ATP2B3: variants seen among roughly 807,000 people sequenced by gnomAD.
ATP2B3 encodes plasma membrane calcium-transporting ATPase 3.
In ATP2B3, 12 loss-of-function variants were observed where a neutral mutation model predicts 70.8. The ratio of observed to expected loss-of-function variants is 0.17; its 90% CI spans 0.11 to 0.27. The LOEUF (loss-of-function observed/expected upper bound fraction) is 0.27. ATP2B3 is among the 10% of genes least tolerant of loss of function. The probability of loss-of-function intolerance (pLI) is 1.00; values close to 1 mark genes in which losing one functional copy is unlikely to be tolerated. For synonymous variants in ATP2B3, 460 were observed against 497.8 expected (o/e 0.92, Z 1.01); for missense variants, 858 against 1,118.5 (o/e 0.77, Z 3.32).
chrX:153,567,787 C>T (rs1417637820), intron 21 of ATP2B3, among the ~76,000 whole-genome samples: 2 of 112,066 alleles, frequency 1.8e-5, no homozygotes, highest in African/African-American at 6.5e-5. Context: ...CCAGCCGATC[C>T]GACTCTTCCA....
chrX:153,524,225 C>T (rs2089998695), intron 2 of ATP2B3, among the ~76,000 whole-genome samples: 1 of 105,104 alleles, frequency 9.5e-6, no homozygotes, highest in Non-Finnish European at 1.9e-5. Context: ...CATGTGTCTT[C>T]GTGTGTGTGT....
intron 17 of ATP2B3, 190 bp from the exon 18 acceptor site, chrX:153,559,539 G>A (rs1355997189): frequency 4.6e-6 from 2 of 431,398 alleles, no homozygotes; most frequent in Non-Finnish European, 8.0e-6. Flanking sequence ...GAAGGGAGGC[G>A]GGCACGTGAC....
intron 21 of ATP2B3, chrX:153,569,515 G>A: frequency 1.9e-6 from 2 of 1,043,101 alleles, no homozygotes. Flanking sequence ...TGTGCCCAGT[G>A]GTGGCCCCTA....
chrX:153,558,677 T>A (rs1484598342), intron 17 of ATP2B3, among the ~76,000 whole-genome samples: 1 of 112,281 alleles, frequency 8.9e-6, no homozygotes, highest in Admixed American at 9.4e-5. Context: ...GATCAAATAA[T>A]ATGTGGCCTC....
intron 2 of ATP2B3, among the ~76,000 whole-genome samples, chrX:153,519,387 A>C (rs1488624693): frequency 1.8e-5 from 2 of 111,974 alleles, no homozygotes; most frequent in Non-Finnish European, 3.8e-5. Context: ...TAATAATCAA[A>C]GACCAGCCCC....
At position 153,553,021 on chromosome X, in the gene ATP2B3, C is replaced by T; in HGVS notation, c.1824-14C>T. On this transcript the variant is annotated splice_polypyrimidine_tract_variant and intron_variant, in intron 12 of 21. Coordinates refer to ENST00000263519, the MANE Select transcript of ATP2B3 (RefSeq NM_001001344.3). Reference sequence around the variant, plus strand: ...TCCCCACCTCCACCTCATCTCTGCCCACCCCCTGCCTAGGTGCACCAACAT... The same window carrying T: ...TCCCCACCTCCACCTCATCTCTGCCTACCCCCTGCCTAGGTGCACCAACAT... The T allele has an allele frequency of 1.7e-6, 2 of 1,192,408 alleles. No individual in the cohort carries two copies. The highest frequency in any genetic ancestry group is 2.3e-6 in the Non-Finnish European group (2 of 879,962).
intron 21 of ATP2B3, among the ~76,000 whole-genome samples, chrX:153,576,601 G>A (rs186386071): frequency 8.9e-6 from 1 of 112,319 alleles, no homozygotes; most frequent in Admixed American, 9.4e-5. Flanking sequence ...GGTGGACATG[G>A]TGCAGCTGGT....
intron 10 of ATP2B3, 101 bp from the exon 11 acceptor site, chrX:153,549,394 CTA>C (rs1557010290): frequency 1.7e-6 from 2 of 1,171,641 alleles, no homozygotes; most frequent in Non-Finnish European, 2.3e-6. Context: ...ACACGTGGAG[CTA>C]GCTGAGCAGA....
chrX:153,556,455 A>G, intron 15 of ATP2B3, 37 bp downstream of exon 15: 1 of 1,156,865 alleles, frequency 8.6e-7, no homozygotes, highest in South Asian at 1.9e-5. Context: ...TGGGGTGGCC[A>G]GCCCGAGGTT....
intron 17 of ATP2B3, among the ~76,000 whole-genome samples, chrX:153,558,758 T>C (rs1557014989): frequency 8.9e-6 from 1 of 112,404 alleles, no homozygotes; most frequent in African/African-American, 3.2e-5. Context: ...CAGGACTTTC[T>C]GCCTTTTCAT....
intron 2 of ATP2B3, among the ~76,000 whole-genome samples, chrX:153,523,066 C>T (rs1556998387): frequency 8.9e-6 from 1 of 112,069 alleles, no homozygotes; most frequent in Admixed American, 9.4e-5. Flanking sequence ...GTCATTATAC[C>T]ATGGGCTCAA....
chrX:153,571,159 C>T (rs1443263289), intron 21 of ATP2B3, among the ~76,000 whole-genome samples: 4 of 112,299 alleles, frequency 3.6e-5, no homozygotes, highest in African/African-American at 6.5e-5. Flanking sequence ...AAGCAGTCGG[C>T]GCCTCCAGTG....
At chrX:153,572,344 A>G (rs1277556733) in intron 21 of ATP2B3, among the ~76,000 whole-genome samples, 7 of 112,813 alleles carry the variant, frequency 6.2e-5, no homozygotes, top group African/African-American at 2.3e-4. Context: ...CTTTCAGCCC[A>G]CCAGGAGTCT....
chrX:153,546,015 C>T (rs2090360180), intron 7 of ATP2B3, 73 bp from the exon 8 acceptor site: 2 of 1,147,620 alleles, frequency 1.7e-6, no homozygotes, highest in South Asian at 3.7e-5. Context: ...CCCTCCTCCC[C>T]ACCCCCTCTG....
chrX:153,570,172 C>T (rs926811831), intron 21 of ATP2B3, among the ~76,000 whole-genome samples: 1 of 112,554 alleles, frequency 8.9e-6, no homozygotes, highest in Non-Finnish European at 1.9e-5. Context: ...CTCAGGGCCG[C>T]CTTCCCGGGG....
rs782374442 is a variant in ATP2B3 at position 153,579,966 on chromosome X, C to T, written c.3343-12C>T. The T allele has an allele frequency of 2.5e-6, 3 of 1,197,000 alleles. No individual in the cohort carries two copies. The highest frequency in any genetic ancestry group is 3.4e-6 in the Non-Finnish European group (3 of 884,121). ...CCCACCTCGCGCCCTGTCCCTCCAC[C>T]TCCCACTCCAGATCCGGGTGGTGAA... On this transcript the variant is annotated splice_polypyrimidine_tract_variant and intron_variant, in intron 21 of 21. Transcript: ENST00000263519.
At position 153,579,984 on chromosome X, in the gene ATP2B3, G is replaced by C. The variant is rs1557022258; in HGVS notation, c.3349G>C (p.Val1117Leu). 1 of 1,202,981 alleles carries C rather than the reference G, an allele frequency of 8.3e-7. No homozygotes were observed. Among genetic ancestry groups the C allele is most frequent in the Non-Finnish European group, 1.1e-6 (1 of 888,682 alleles). Residue 1117 changes from valine (V) to leucine (L), a missense_variant, in exon 22 of 22, where the codon GTG becomes CTG. Val to Leu is a conservative substitution (Grantham distance 32). This residue lies in a region of ATP2B3 where 265 missense variants were observed against 305.3 expected (regional missense o/e 0.87). Coordinates refer to ENST00000263519, the MANE Select transcript of ATP2B3 (RefSeq NM_001001344.3). ...CCTCCACCTCCCACTCCAGATCCGG[G>C]TGGTGAAAGCGTTCCGTAGCTCGCT... ...GLNRIQTQIRVVKAFRSSLYE... is the reference protein window; with the variant it reads ...GLNRIQTQIRLVKAFRSSLYE...
At chrX:153,531,943 G>A (rs782380941) in intron 2 of ATP2B3, among the ~76,000 whole-genome samples, 21 of 112,056 alleles carry the variant, frequency 1.9e-4, no homozygotes, top group Middle Eastern at 4.6e-3. Context: ...CCATAAAGGC[G>A]GAGCAGGTGG....
In ATP2B3 at chrX:153,580,177, A is replaced by T. The variant is rs1432395107; in HGVS notation, c.3542A>T (p.Gln1181Leu). 1.2e-5 allele frequency: 6 copies of T among 481,392 alleles called. No individual in the cohort carries two copies. The highest frequency in any genetic ancestry group is 2.0e-5 in the Non-Finnish European group (6 of 303,438). The allele number at this position is 481,392 out of a possible 1,213,427, so 39.7% of individuals were successfully genotyped here. A position where few individuals can be genotyped will look rare whatever the true frequency, so the allele number is the denominator to read the frequency against. The change falls in exon 22 of 22, where the codon CAG (glutamine) becomes CTG (leucine). Residue 1181 changes from glutamine to leucine, a missense_variant. Coordinates refer to ENST00000263519, the MANE Select transcript of ATP2B3 (RefSeq NM_001001344.3). The part of the protein sequence containing the change: ...LRAPPPPSPN[Q>L]NNNAIDSGIY... The stretch of plus-strand genomic sequence containing the variant: ...GCCCCCCCGCCCCCGTCCCCCAACC[A>T]GAACAACAACGCCATAGACAGCGGC...
Sources: gnomAD v4.1 joint callset for allele counts (sites outside exome capture counted in the v4.1 genomes callset) on GRCh38, gnomAD v4.1.1 for gene constraint, gnomAD v4.1.1 regional missense constraint, MANE v1.5 for transcripts, NCBI Gene and HGNC (gene_info 2026-07-23, HGNC 2026-07-21) for gene names.